Variants in CCBE1 observed in about 807,000 individuals in gnomAD.
The protein encoded by CCBE1 is collagen and calcium-binding EGF domain-containing protein 1.
A neutral mutation model predicts 50.0 loss-of-function variants in CCBE1; 37 were observed. The ratio of observed to expected loss-of-function variants is 0.74; its 90% CI spans 0.57 to 0.97. The LOEUF (loss-of-function observed/expected upper bound fraction) is 0.97, where lower values mean the gene tolerates loss of function less well. CCBE1 is among the 50% of genes least tolerant of loss of function. The pLI, the probability that CCBE1 is intolerant of heterozygous loss-of-function variation, is 0.00. For missense variants in CCBE1, 538 were observed against 523.8 expected (o/e 1.03, Z -0.26); for synonymous variants, 234 against 203.7 (o/e 1.15, Z -1.27).
chr18:59,527,161 T>G (rs1318116637), intron 2 of CCBE1, among the ~76,000 whole-genome samples: 1 of 152,254 alleles, frequency 6.6e-6, no homozygotes, highest in Non-Finnish European at 1.5e-5. Flanking sequence ...CTCTAAGAAC[T>G]TGTTTTATGA....
intron 2 of CCBE1, among the ~76,000 whole-genome samples, chr18:59,578,651 C>G (rs747665587): frequency 6.6e-6 from 1 of 152,108 alleles, no homozygotes; most frequent in Non-Finnish European, 1.5e-5. Flanking sequence ...TTTGCAGGGA[C>G]ATGAAGCTGG....
At chr18:59,559,277 G>A (rs905224641) in intron 2 of CCBE1, among the ~76,000 whole-genome samples, 1 of 152,218 alleles carries the variant, frequency 6.6e-6, no homozygotes, top group Non-Finnish European at 1.5e-5. Context: ...TGTGGGAAGT[G>A]CATGTCCAGT....
chr18:59,465,518 A>G (rs1350545632), intron 5 of CCBE1: 1 of 152,226 alleles, frequency 6.6e-6, no homozygotes, highest in Non-Finnish European at 1.5e-5. Context: ...GCTCTGTGCT[A>G]AAGGCCCAGC....
At chr18:59,583,684 CGCGCGCGCGCGCGCGCGTGTGTGTGT>C (rs2053126874) in intron 2 of CCBE1, among the ~76,000 whole-genome samples, 1 of 43,546 alleles carries the variant, frequency 2.3e-5, no homozygotes. Flanking sequence ...TGTGTGTGCG[CGCGCGCGCGCGCGCGCGTGTGTGTGT>C]ATGTCTGCGA....
At chr18:59,471,372 T>C (rs1912026771) in intron 3 of CCBE1, among the ~76,000 whole-genome samples, 1 of 152,230 alleles carries the variant, frequency 6.6e-6, no homozygotes, top group African/African-American at 2.4e-5. Context: ...CATTTAACTT[T>C]TTCACGGCCT....
intron 2 of CCBE1, among the ~76,000 whole-genome samples, chr18:59,642,982 G>T (rs140582747): frequency 9.1e-4 from 137 of 150,148 alleles, no homozygotes; most frequent in African/African-American, 3.3e-3. Flanking sequence ...TACAATGAAG[G>T]ATAAATGTAT....
intron 2 of CCBE1, among the ~76,000 whole-genome samples, chr18:59,657,813 C>T (rs2054211027): frequency 6.6e-6 from 1 of 152,166 alleles, no homozygotes; most frequent in Admixed American, 6.5e-5. Flanking sequence ...ATCGCTCGAA[C>T]CCGGGAGGTG....
chr18:59,663,122 GGAA>G (rs201188872), intron 2 of CCBE1, among the ~76,000 whole-genome samples: 1,902 of 148,662 alleles, frequency 0.013, 40 homozygotes, highest in African/African-American at 0.045. Flanking sequence ...GATAGGGATA[GGAA>G]GAAGGATAAG....
chr18:59,584,396 T>A (rs950017285), intron 2 of CCBE1, among the ~76,000 whole-genome samples: 1 of 151,116 alleles, frequency 6.6e-6, no homozygotes, highest in African/African-American at 2.4e-5. Flanking sequence ...ATACACCTAA[T>A]GCTAAATGAC....
At chr18:59,499,333 G>C (rs78061721) in intron 2 of CCBE1, among the ~76,000 whole-genome samples, 2,924 of 152,260 alleles carry the variant, frequency 0.019, 48 homozygotes, top group Non-Finnish European at 0.029. Flanking sequence ...TTCGTGGTGA[G>C]GGAAGGGAGG....
intron 2 of CCBE1, among the ~76,000 whole-genome samples, chr18:59,582,258 CT>C (rs1226937813): frequency 6.6e-6 from 1 of 152,192 alleles, no homozygotes; most frequent in Non-Finnish European, 1.5e-5. Flanking sequence ...CTTTCTTATA[CT>C]TTCTCCTGAA....
At chr18:59,582,294 A>C (rs552021987) in intron 2 of CCBE1, among the ~76,000 whole-genome samples, 1 of 152,298 alleles carries the variant, frequency 6.6e-6, no homozygotes, top group East Asian at 1.9e-4. Flanking sequence ...ACAAAAGAGA[A>C]AACTGCATGG....
At chr18:59,514,558 C>A (rs776881876) in intron 2 of CCBE1, among the ~76,000 whole-genome samples, 1 of 143,724 alleles carries the variant, frequency 7.0e-6, no homozygotes, top group African/African-American at 2.6e-5. Flanking sequence ...TAGCTGCTGG[C>A]GGGGTGTTTG....
At chr18:59,660,481 A>G (rs2054268391) in intron 2 of CCBE1, among the ~76,000 whole-genome samples, 1 of 152,140 alleles carries the variant, frequency 6.6e-6, no homozygotes. Context: ...TCTTTTCAGA[A>G]TATTCCCCCT....
chr18:59,576,602 T>G (rs2144498725), intron 2 of CCBE1, among the ~76,000 whole-genome samples: 1 of 152,296 alleles, frequency 6.6e-6, no homozygotes, highest in East Asian at 1.9e-4. Flanking sequence ...TGTGACAAAA[T>G]GTGGAATTAA....
chr18:59,565,163 GTCT>G (rs2052802371), intron 2 of CCBE1, among the ~76,000 whole-genome samples: 1 of 152,204 alleles, frequency 6.6e-6, no homozygotes, highest in Non-Finnish European at 1.5e-5. Flanking sequence ...CATGCTTGTG[GTCT>G]TCTTGGTTAA....
At chr18:59,634,600 T>C (rs1054400776) in intron 2 of CCBE1, among the ~76,000 whole-genome samples, 1 of 151,912 alleles carries the variant, frequency 6.6e-6, no homozygotes, top group East Asian at 1.9e-4. Flanking sequence ...AAACAAGAAA[T>C]AGCAAAAGAG....
intron 10 of CCBE1, 112 bp downstream of exon 10, chr18:59,437,999 G>A: frequency 1.1e-6 from 1 of 920,744 alleles, no homozygotes; most frequent in East Asian, 2.5e-5. Flanking sequence ...CAGGTGGGCT[G>A]AGTGGCATCA....
chr18:59,489,068 A>G (rs1395185213), intron 2 of CCBE1, among the ~76,000 whole-genome samples: 1 of 152,262 alleles, frequency 6.6e-6, no homozygotes, highest in Non-Finnish European at 1.5e-5. Context: ...CAAAGACACA[A>G]TAATTTTACT....
Sources: allele counts gnomAD v4.1 joint callset (sites outside exome capture counted in the v4.1 genomes callset), GRCh38; gene constraint gnomAD v4.1.1; transcripts MANE v1.5; gene names NCBI Gene and HGNC (gene_info 2026-07-23, HGNC 2026-07-21).